The following COL17A1 variants were observed in gnomAD, a reference collection of about 807,000 sequenced individuals.
COL17A1 encodes the protein collagen type XVII alpha 1 chain, also known as collagen alpha-1(XVII) chain.
Under a neutral mutation model 218.4 loss-of-function variants are expected in COL17A1, and 181 were observed. The ratio of observed to expected loss-of-function variants is 0.83; its 90% CI spans 0.73 to 0.94. The LOEUF is 0.94. Ranked by LOEUF, COL17A1 falls within the 40% of genes least tolerant of loss-of-function variation. COL17A1 has a pLI of 0.00. For missense variants in COL17A1, 1,924 were observed against 1,945.9 expected, an observed-to-expected ratio of 0.99 and a Z score of 0.21; for synonymous variants, 721 against 731.0, an observed-to-expected ratio of 0.99 and a Z score of 0.22.
Position 104,033,993 on chromosome 10 carries a change from C to T in COL17A1, c.4108G>A (p.Asp1370Asn). The change falls in exon 52 of 56, where the codon GAT becomes AAT. Residue 1370 changes from aspartate to asparagine, a missense_variant. Coordinates refer to ENST00000648076, the MANE Select transcript of COL17A1 (RefSeq NM_000494.4). ...ACAGCCAGCTCATTGTAATCCAGAT[C>T]TCCAGCAAAGTCAGCTCCCAATAGT... is the stretch of plus-strand genomic sequence containing the variant. Reference protein sequence around the residue: ...GGLLGADFAGDLDYNELAVRV... With the variant: ...GGLLGADFAGNLDYNELAVRV... 6.2e-7 allele frequency: 1 copy of T among 1,614,194 alleles called. No homozygotes were observed. The highest frequency in any genetic ancestry group is 8.5e-7 in the Non-Finnish European group (1 of 1,180,036).
At chr10:104,078,645 T>C (rs1479688268) in intron 2 of COL17A1, 59 bp from the exon 3 acceptor site, 1 of 1,608,676 alleles carries the variant, frequency 6.2e-7, no homozygotes, top group East Asian at 2.2e-5. Flanking sequence ...CTCTGGATCT[T>C]GGCAAGGTCT....
chr10:104,032,129 T>G lies in COL17A1; in HGVS notation c.*106A>C, dbSNP rs1844692337. The G allele has an allele frequency of 2.4e-6, 2 of 848,988 alleles. No homozygotes were observed. Among genetic ancestry groups the G allele is most frequent in the Non-Finnish European group, 4.0e-6 (2 of 496,934 alleles). 52.6% of individuals were successfully genotyped at this position (848,988 alleles called of 1,614,324 possible). On this transcript the variant is annotated 3_prime_UTR_variant, in exon 56 of 56. Transcript: ENST00000648076. ...TGCTAGCTAGGTTGGCTGTGCTGTCTCAGTAGGACATTGACAGACTCCAGC... is the reference window on the plus strand; with the variant it reads ...TGCTAGCTAGGTTGGCTGTGCTGTCGCAGTAGGACATTGACAGACTCCAGC...
Position 104,034,778 on chromosome 10 carries a change from G to A in COL17A1, c.3620-11C>T, listed in dbSNP as rs750608267. The A allele has an allele frequency of 2.9e-5, 46 of 1,611,236 alleles. 1 individual carries two copies. The Middle Eastern group carries it at 3.6e-3, about 125-fold the overall frequency. On this transcript the variant is annotated splice_polypyrimidine_tract_variant and intron_variant, in intron 50 of 55. Transcript: ENST00000648076. The stretch of plus-strand genomic sequence containing the variant: ...ATGACAAGCCGGCAGCTGGGCAGAA[G>A]GAAGAGAAAGAAAGGTCGGGGTAGT...
rs1015145361 is a variant in COL17A1 at position 104,031,920 on chromosome 10, G to A, written c.*315C>T. 4.6e-6 allele frequency: 2 copies of A among 438,842 alleles called. No homozygotes were observed. The highest frequency in any genetic ancestry group is 2.0e-5 in the African/African-American group (1 of 50,494). 27.2% of individuals were successfully genotyped at this position (438,842 alleles called of 1,614,324 possible). On this transcript the variant is annotated 3_prime_UTR_variant, in exon 56 of 56. Coordinates refer to ENST00000648076, the MANE Select transcript of COL17A1 (RefSeq NM_000494.4). ...TCCTGAGCCAACTTTTATGTAACTG[G>A]CTTTCCTAGGCTGGGGCTTGAACTA...
At chr10:104,045,936 A>G in intron 32 of COL17A1, 143 bp from the exon 33 acceptor site, 2 of 746,686 alleles carry the variant, frequency 2.7e-6, no homozygotes, top group Non-Finnish European at 4.9e-6. Context: ...CTTCCGCCTT[A>G]GTCTAGACAA....
intron 48 of COL17A1, 29 bp from the exon 49 acceptor site, chr10:104,035,592 AG>A (rs745707059): frequency 6.4e-7 from 1 of 1,573,342 alleles, no homozygotes; most frequent in Non-Finnish European, 8.7e-7. Context: ...CAGATCAGGC[AG>A]GGGGAGGCAG....
chr10:104,084,309 C>T (rs2086788775), intron 1 of COL17A1, among the ~76,000 whole-genome samples: 1 of 151,454 alleles, frequency 6.6e-6, no homozygotes, highest in Non-Finnish European at 1.5e-5. Context: ...GAGTTTTTTT[C>T]CTATTTTTTT....
At chr10:104,067,768 C>T (rs772001124) in intron 9 of COL17A1, among the ~76,000 whole-genome samples, 5 of 151,382 alleles carry the variant, frequency 3.3e-5, no homozygotes, top group Non-Finnish European at 5.9e-5. Flanking sequence ...ATGGCGAGTG[C>T]GCTGGCGCCC....
intron 55 of COL17A1, 85 bp downstream of exon 55, chr10:104,032,589 T>C: frequency 7.1e-7 from 1 of 1,418,036 alleles, no homozygotes; most frequent in Non-Finnish European, 9.9e-7. Context: ...TCAGGCTTGC[T>C]CTGGAACAAA....
chr10:104,035,187 C>A, intron 50 of COL17A1, 76 bp downstream of exon 50: 1 of 1,278,280 alleles, frequency 7.8e-7, no homozygotes, highest in Non-Finnish European at 1.1e-6. Flanking sequence ...TTAGACTGCC[C>A]TTGCTAAAGC....
chr10:104,050,311 T>A (rs376964950), intron 27 of COL17A1, among the ~76,000 whole-genome samples, 187 bp from the exon 28 acceptor site: 1 of 152,146 alleles, frequency 6.6e-6, no homozygotes, highest in Non-Finnish European at 1.5e-5. Flanking sequence ...GCAGAGTCAG[T>A]TCCCCCCCTA....
At position 104,033,645 on chromosome 10, in the gene COL17A1, C is replaced by T. The variant is rs3781332; in HGVS notation, c.4157-270G>A. On this transcript the variant is annotated intron_variant, in intron 52 of 55. Transcript: ENST00000648076. ...GGACTCTTAGCCAACATCCTTCTCT[C>T]GGCCCCAGCAGAAAATCCAGCATGG... 0.18 allele frequency among the ~76,000 whole-genome samples: 26,785 copies of T among 152,224 alleles called. 2,589 individuals are homozygous for T. Among genetic ancestry groups the T allele is most frequent in the South Asian group, 0.22 (1,039 of 4,826 alleles).
chr10:104,070,663 TG>T, intron 8 of COL17A1, 94 bp from the exon 9 acceptor site: 6 of 1,609,176 alleles, frequency 3.7e-6, no homozygotes, highest in Non-Finnish European at 4.2e-6. Context: ...TTCTGACTAC[TG>T]GGGAGAATGG....
At position 104,037,625 on chromosome 10, in the gene COL17A1, G is replaced by T. The variant is rs2086313431; in HGVS notation, c.3208+11C>A. The T allele has an allele frequency of 6.2e-7, 1 of 1,614,116 alleles. No individual in the cohort carries two copies. The highest frequency in any genetic ancestry group is 8.5e-7 in the Non-Finnish European group (1 of 1,180,016). Reference sequence around the variant, plus strand: ...GAAGGTGCCAGGTGCAGGGCGTGGGGAAGGGCTTACTCCGTAAGTAGCTCA... The same window carrying T: ...GAAGGTGCCAGGTGCAGGGCGTGGGTAAGGGCTTACTCCGTAAGTAGCTCA... On this transcript the variant is annotated intron_variant, in intron 46 of 55. Transcript: ENST00000648076.
In COL17A1 at chr10:104,050,897, A is replaced by G; in HGVS notation, c.2043T>C (p.Pro681=). 1 of 1,614,206 alleles carries G rather than the reference A, an allele frequency of 6.2e-7. No individual in the cohort carries two copies. Among genetic ancestry groups the G allele is most frequent in the South Asian group, 1.1e-5 (1 of 91,092 alleles). ...CACCTCGGAGCCCTTGGAGACCTAC[A>G]GGACCTGCCCGGCAGAAGAAACCAT... ...GSPGPQGPPG[P]VGLQGLRGEV... The change falls in exon 26 of 56, where the codon CCT becomes CCC. Residue 681 remains proline (P), a synonymous_variant. Transcript: ENST00000648076.
chr10:104,041,615 G>A lies in COL17A1; in HGVS notation c.2552-77C>T, dbSNP rs2086360820. 2.3e-6 allele frequency: 3 copies of A among 1,303,330 alleles called. No homozygotes were observed. In the East Asian group the frequency reaches 7.1e-5, roughly 31 times the overall value. 80.7% of individuals were successfully genotyped at this position (1,303,330 alleles called of 1,614,324 possible). A position where few individuals can be genotyped will look rare whatever the true frequency, so the allele number is the denominator to read the frequency against. On this transcript the variant is annotated intron_variant, in intron 36 of 55. Transcript: ENST00000648076. The stretch of plus-strand genomic sequence containing the variant: ...CTGCCACACTTCTCACCTCTCACTG[G>A]ATCTGCAGTTCCAGGCACTCCAGGC...
At chr10:104,057,469 T>A in intron 16 of COL17A1, among the ~76,000 whole-genome samples, 1 of 150,746 alleles carries the variant, frequency 6.6e-6, no homozygotes, top group Non-Finnish European at 1.5e-5. Flanking sequence ...GGGAAGGTTG[T>A]TGAATGAAAT....
intron 32 of COL17A1, among the ~76,000 whole-genome samples, 178 bp downstream of exon 32, chr10:104,046,569 T>G (rs2086411992): frequency 6.6e-6 from 1 of 152,204 alleles, no homozygotes. Flanking sequence ...TGTTCTAGAT[T>G]GTTCTGTGCC....
intron 45 of COL17A1, 128 bp from the exon 46 acceptor site, chr10:104,037,901 A>C: frequency 1.7e-6 from 2 of 1,203,646 alleles, no homozygotes; most frequent in East Asian, 5.1e-5. Flanking sequence ...CTGGGCCAGG[A>C]GGGAGCCTAG....
Sources: allele counts gnomAD v4.1 joint callset (sites outside exome capture counted in the v4.1 genomes callset), GRCh38; gene constraint gnomAD v4.1.1; transcripts MANE v1.5; gene names NCBI Gene and HGNC (gene_info 2026-07-23, HGNC 2026-07-21).